Variants in COL21A1 observed in about 807,000 individuals in gnomAD.
COL21A1 encodes the protein collagen type XXI alpha 1 chain.
COL21A1 carries 149 observed loss-of-function variants against 137.9 expected under a neutral mutation model. The ratio of observed to expected loss-of-function variants is 1.08; its 90% CI spans 0.95 to 1.24. The LOEUF (loss-of-function observed/expected upper bound fraction) is 1.24. Among genes scored for constraint, COL21A1 ranks in the 50% most tolerant of loss-of-function variants. COL21A1 has a pLI of 0.00. For synonymous variants in COL21A1, 456 were observed against 391.5 expected (o/e 1.16, Z -1.95); for missense variants, 1,167 against 1,158.4 (o/e 1.01, Z -0.11).
rs557008180 is a variant in COL21A1, at chr6:56,310,955, T to G, written c.-39+83016A>C. On this transcript the variant is annotated intron_variant, in intron 1 of 28. Transcript: ENST00000370819. Reference sequence around the variant, plus strand: ...CTTGAGTTGACATGTAAACCATGGATTTTAGTCCCTGGCACAGATGTAGCA... The same window carrying G: ...CTTGAGTTGACATGTAAACCATGGAGTTTAGTCCCTGGCACAGATGTAGCA... Among the ~76,000 whole-genome samples, 4 of 152,288 alleles carry G rather than the reference T, an allele frequency of 2.6e-5. No individual in the cohort carries two copies. In the East Asian group the frequency reaches 5.8e-4, roughly 22 times the overall value.
chr6:56,061,034 C>A lies in COL21A1; in HGVS notation c.2209G>T (p.Gly737Cys). ...QGHHGAKGERGEKGEPGVRGA... is the reference protein window; with the variant it reads ...QGHHGAKGERCEKGEPGVRGA... ...CGGACACCAGGTTCTCCCTTTTCAC[C>A]TCTCTAAAAGCAAAAGAAATCTTTA... The change falls in exon 26 of 30, where the codon GGT becomes TGT. Residue 737 changes from glycine to cysteine, a missense_variant. By Grantham distance (159) the Gly-to-Cys change is radical. Coordinates refer to ENST00000244728, the MANE Select transcript of COL21A1 (RefSeq NM_030820.4). 2 of 1,580,262 alleles carry A rather than the reference C, an allele frequency of 1.3e-6. No homozygotes were observed. The highest frequency in any genetic ancestry group is 1.7e-6 in the Non-Finnish European group (2 of 1,169,574).
chr6:56,097,838 AATATATAAAT>A lies in COL21A1; in HGVS notation c.1812+3624_1812+3633del, dbSNP rs1251086566. 9.5e-3 allele frequency among the ~76,000 whole-genome samples: 374 copies of A among 39,556 alleles called. 27 individuals are homozygous for A. The highest frequency in any genetic ancestry group is 0.038 in the African/African-American group (355 of 9,350). The allele number at this position is 39,556 out of a possible 152,430, so 26.0% of individuals were successfully genotyped here. ...ATATAAATACATATAAATATATATA[AATATATAAAT>A]ATATATAAATATATAAAAATATCTA... On this transcript the variant is annotated intron_variant, in intron 17 of 29. Coordinates refer to ENST00000244728, the MANE Select transcript of COL21A1 (RefSeq NM_030820.4).
At chr6:56,097,951 A>C (rs1251640533) in intron 17 of COL21A1, among the ~76,000 whole-genome samples, 12 of 99,240 alleles carry the variant, frequency 1.2e-4, no homozygotes, top group Non-Finnish European at 9.0e-5. Flanking sequence ...ATATATAAAT[A>C]TAAAAATATA....
At chr6:56,134,155 C>T (rs190704141) in intron 12 of COL21A1, among the ~76,000 whole-genome samples, 6 of 152,184 alleles carry the variant, frequency 3.9e-5, no homozygotes. Context: ...TGAAAGCAAT[C>T]GAGAGGGAGG....
At chr6:56,153,968 C>T (rs1311046705) in intron 10 of COL21A1, among the ~76,000 whole-genome samples, 2 of 152,194 alleles carry the variant, frequency 1.3e-5, no homozygotes, top group Non-Finnish European at 2.9e-5. Context: ...CAACTGGCCA[C>T]CTCCAACCTG....
intron 1 of COL21A1, among the ~76,000 whole-genome samples, chr6:56,320,740 G>A (rs1764844954): frequency 6.6e-6 from 1 of 151,994 alleles, no homozygotes; most frequent in African/African-American, 2.4e-5. Flanking sequence ...TCTGTTCAAT[G>A]TTCACCTTAT....
At chr6:56,157,003 C>T in intron 9 of COL21A1, 54 bp from the exon 10 acceptor site, 2 of 1,227,774 alleles carry the variant, frequency 1.6e-6, no homozygotes, top group Non-Finnish European at 2.4e-6. Context: ...CACATTGGTG[C>T]AGTCAGGATC....
chr6:56,291,885 T>A (rs1764054870), intron 1 of COL21A1, among the ~76,000 whole-genome samples: 1 of 152,146 alleles, frequency 6.6e-6, no homozygotes, highest in South Asian at 2.1e-4. Context: ...ATGTAAAGAC[T>A]ATTTTCAGGC....
chr6:56,087,891 T>C (rs1314745191), intron 17 of COL21A1, among the ~76,000 whole-genome samples: 2 of 152,200 alleles, frequency 1.3e-5, no homozygotes, highest in Non-Finnish European at 2.9e-5. Context: ...GAAATGCTTG[T>C]GCTGCTGCTT....
chr6:56,128,122 T>C (rs1773200860), intron 12 of COL21A1, among the ~76,000 whole-genome samples: 1 of 152,110 alleles, frequency 6.6e-6, no homozygotes, highest in African/African-American at 2.4e-5. Context: ...TTGGGGTAGA[T>C]TGTTCAGGGA....
chr6:56,193,104 G>A (rs973387286), intron 1 of COL21A1, among the ~76,000 whole-genome samples: 2 of 152,062 alleles, frequency 1.3e-5, no homozygotes, highest in African/African-American at 4.8e-5. Flanking sequence ...CTCATAAGTG[G>A]GAGTTGAACA....
chr6:56,074,289 C>A lies in COL21A1; in HGVS notation c.1912-4G>T. 1 of 1,570,502 alleles carries A rather than the reference C, an allele frequency of 6.4e-7. No individual in the cohort carries two copies. The highest frequency in any genetic ancestry group is 8.6e-7 in the Non-Finnish European group (1 of 1,158,716). On this transcript the variant is annotated splice_region_variant and splice_polypyrimidine_tract_variant and intron_variant, in intron 19 of 29. Coordinates refer to ENST00000244728, the MANE Select transcript of COL21A1 (RefSeq NM_030820.4). ...AGCCATTGCTTCCCATTAAACCCTA[C>A]AATTTTAAAAAGGAATTTCAAGAGT...
intron 7 of COL21A1, among the ~76,000 whole-genome samples, chr6:56,165,135 T>G (rs989977219): frequency 2.0e-5 from 3 of 152,180 alleles, no homozygotes; most frequent in Non-Finnish European, 2.9e-5. Context: ...ATTTATATGC[T>G]GTCTTGAAAT....
intron 1 of COL21A1, among the ~76,000 whole-genome samples, chr6:56,330,694 A>G (rs1010149554): frequency 3.3e-5 from 5 of 152,004 alleles, no homozygotes; most frequent in East Asian, 1.9e-4. Flanking sequence ...GTATTATCCA[A>G]TCATCCATTG....
chr6:56,094,640 C>T (rs1241914658), intron 17 of COL21A1, among the ~76,000 whole-genome samples: 1 of 152,144 alleles, frequency 6.6e-6, no homozygotes, highest in Non-Finnish European at 1.5e-5. Context: ...AGGGTTCCAG[C>T]AGAGAAACAG....
chr6:56,341,903 T>C (rs1765479004), intron 1 of COL21A1, among the ~76,000 whole-genome samples: 1 of 152,182 alleles, frequency 6.6e-6, no homozygotes, highest in Middle Eastern at 3.2e-3. Context: ...GTAAAGTCTA[T>C]GTTTTTAAAT....
intron 2 of COL21A1, 127 bp from the exon 3 acceptor site, chr6:56,180,256 GT>G: frequency 1.3e-6 from 1 of 776,220 alleles, no homozygotes; most frequent in Non-Finnish European, 2.0e-6. Flanking sequence ...TGTGAAATAT[GT>G]TTAGCTTAAT....
At chr6:56,295,899 C>G (rs1055562765) in intron 1 of COL21A1, among the ~76,000 whole-genome samples, 1 of 151,672 alleles carries the variant, frequency 6.6e-6, no homozygotes, top group African/African-American at 2.4e-5. Flanking sequence ...TTATTTCTTC[C>G]CTTCCAGTTG....
At chr6:56,219,880 A>T (rs2328692) in intron 1 of COL21A1, among the ~76,000 whole-genome samples, 3,952 of 152,238 alleles carry the variant, frequency 0.026, 166 homozygotes, top group African/African-American at 0.091. Flanking sequence ...TATTTATTAA[A>T]TGCCTGATAA....
Sources: gnomAD v4.1 joint callset for allele counts (sites outside exome capture counted in the v4.1 genomes callset) on GRCh38, gnomAD v4.1.1 for gene constraint, MANE v1.5 for transcripts, NCBI Gene and HGNC (gene_info 2026-07-23, HGNC 2026-07-21) for gene names.